Variants in NOTCH2 observed in about 807,000 individuals in gnomAD.
NOTCH2 encodes neurogenic locus notch homolog protein 2.
Under a neutral mutation model 235.8 loss-of-function variants are expected in NOTCH2, and 29 were observed. The ratio of observed to expected loss-of-function variants is 0.12; its 90% CI spans 0.09 to 0.17. The LOEUF is 0.17. Ranked by LOEUF, NOTCH2 falls within the 10% of genes least tolerant of loss-of-function variation. The probability of loss-of-function intolerance (pLI) is 1.00; values close to 1 mark genes in which losing one functional copy is unlikely to be tolerated. For synonymous variants in NOTCH2, 1,086 were observed against 1,141.5 expected (o/e 0.95, Z 0.98); for missense variants, 2,285 against 3,150.2 (o/e 0.73, Z 6.57).
At chr1:120,029,491 C>T (rs1654010298) in intron 2 of NOTCH2, among the ~76,000 whole-genome samples, 2 of 150,840 alleles carry the variant, frequency 1.3e-5, no homozygotes, top group Admixed American at 1.3e-4. Context: ...GCTGGGACTC[C>T]AGTCATGCGC....
At chr1:119,923,557 G>C in intron 26 of NOTCH2, 80 bp downstream of exon 26, 1 of 1,220,850 alleles carries the variant, frequency 8.2e-7, no homozygotes, top group Non-Finnish European at 1.2e-6. Context: ...ATTTCTATAG[G>C]TTGAGTTATG....
chr1:119,929,498 T>C (rs781939664), intron 22 of NOTCH2, among the ~76,000 whole-genome samples: 10 of 152,180 alleles, frequency 6.6e-5, no homozygotes, highest in Admixed American at 4.6e-4. Flanking sequence ...ATTTGTCCCA[T>C]CTCAAAGAGA....
intron 5 of NOTCH2, among the ~76,000 whole-genome samples, chr1:119,977,945 A>G (rs2101164289): frequency 6.6e-6 from 1 of 152,300 alleles, no homozygotes; most frequent in African/African-American, 2.4e-5. Context: ...ATGGTGAACA[A>G]AACAGCCATG....
intron 2 of NOTCH2, among the ~76,000 whole-genome samples, chr1:120,009,706 A>T (rs1473017528): frequency 6.7e-6 from 1 of 149,338 alleles, no homozygotes; most frequent in East Asian, 1.9e-4. Flanking sequence ...CTATAGGGAG[A>T]ATTGCTAACC....
chr1:119,950,230 T>A (rs1650418901), intron 15 of NOTCH2: 1 of 352,002 alleles, frequency 2.8e-6, no homozygotes. Flanking sequence ...CTTACCTATA[T>A]GACCTTGAGC....
In NOTCH2 at chr1:119,949,191, C is replaced by T. The variant is rs587749430; in HGVS notation, c.2480-65G>A. 14 of 1,553,808 alleles carry T rather than the reference C, an allele frequency of 9.0e-6. No individual in the cohort carries two copies. The East Asian group carries it at 2.7e-4, about 30-fold the overall frequency. ...TAAGAAAACGAAAATTTTCCTTATC[C>T]CAAGGATGTTCTCTGAATTCAAGTC... On this transcript the variant is annotated intron_variant, in intron 15 of 33. Transcript: ENST00000256646.
intron 5 of NOTCH2, among the ~76,000 whole-genome samples, chr1:119,972,290 A>G (rs1651395312): frequency 6.6e-6 from 1 of 152,178 alleles, no homozygotes; most frequent in African/African-American, 2.4e-5. Context: ...ATGGTACCTC[A>G]AAGTAATGAC....
At chr1:119,934,154 G>A (rs1649764703) in intron 22 of NOTCH2, among the ~76,000 whole-genome samples, 1 of 152,214 alleles carries the variant, frequency 6.6e-6, no homozygotes, top group African/African-American at 2.4e-5. Flanking sequence ...GTTAAAATGT[G>A]ATCTCCAATG....
At chr1:119,969,026 G>A (rs1185904675) in intron 6 of NOTCH2, among the ~76,000 whole-genome samples, 1 of 152,208 alleles carries the variant, frequency 6.6e-6, no homozygotes, top group Middle Eastern at 3.2e-3. Context: ...TGAGAGGCTA[G>A]AGCAATGTTA....
At chr1:120,062,850 T>C (rs1655360646) in intron 1 of NOTCH2, among the ~76,000 whole-genome samples, 1 of 152,106 alleles carries the variant, frequency 6.6e-6, no homozygotes, top group African/African-American at 2.4e-5. Context: ...TGTATTTACA[T>C]ACACAAGTTA....
intron 22 of NOTCH2, among the ~76,000 whole-genome samples, chr1:119,933,977 A>G (rs1302681944): frequency 2.0e-5 from 3 of 152,196 alleles, no homozygotes; most frequent in Non-Finnish European, 4.4e-5. Context: ...TGTACTGTGG[A>G]GGCCTTGGAG....
chr1:120,065,092 T>C (rs1246111553), intron 1 of NOTCH2, among the ~76,000 whole-genome samples: 1 of 151,984 alleles, frequency 6.6e-6, no homozygotes, highest in Admixed American at 6.6e-5. Flanking sequence ...CCTTTATAAA[T>C]TGCAGAAGTG....
chr1:119,916,583 G>A lies in NOTCH2; in HGVS notation c.6139C>T (p.Arg2047Trp), dbSNP rs140353589. 1.1e-5 allele frequency: 18 copies of A among 1,614,006 alleles called. No individual in the cohort carries two copies. The highest frequency in any genetic ancestry group is 2.7e-5 in the African/African-American group (2 of 74,900). The part of the protein sequence containing the change: ...DITDHMDRLP[R>W]DVARDRMHHD... ...TGCATGCGATCCCGAGCCACATCCC[G>A]GGGAAGACGATCCATATGGTCTGTG... The change falls in exon 34 of 34, where the codon CGG becomes TGG. Residue 2047 changes from arginine (R) to tryptophan (W), a missense_variant. Physicochemically the swap from Arg to Trp is moderately radical, Grantham distance 101. Coordinates refer to ENST00000256646, the MANE Select transcript of NOTCH2 (RefSeq NM_024408.4).
At chr1:119,928,892 G>A in intron 23 of NOTCH2, 84 bp downstream of exon 23, 1 of 1,142,404 alleles carries the variant, frequency 8.8e-7, no homozygotes, top group East Asian at 2.3e-5. Context: ...CTTCACTTGG[G>A]TCTGGGACAA....
intron 2 of NOTCH2, among the ~76,000 whole-genome samples, chr1:120,026,955 T>C (rs1380485853): frequency 2.3e-4 from 31 of 136,844 alleles, no homozygotes; most frequent in East Asian, 4.6e-4. Flanking sequence ...ATTTTCTTTT[T>C]TTTTTTTTTT....
chr1:120,037,921 A>AT (rs1286414787), intron 1 of NOTCH2, among the ~76,000 whole-genome samples: 1 of 152,042 alleles, frequency 6.6e-6, no homozygotes, highest in Non-Finnish European at 1.5e-5. Context: ...ATAAATGAAT[A>AT]TTTTTTGTAT....
intron 1 of NOTCH2, among the ~76,000 whole-genome samples, chr1:120,065,423 T>C (rs1264175995): frequency 2.0e-5 from 3 of 152,168 alleles, no homozygotes; most frequent in Non-Finnish European, 4.4e-5. Context: ...ATGTACGCAT[T>C]AACAATAAGC....
chr1:120,023,219 T>C (rs1457962108), intron 2 of NOTCH2, among the ~76,000 whole-genome samples: 24 of 150,636 alleles, frequency 1.6e-4, no homozygotes, highest in Admixed American at 1.4e-3. Context: ...GGGCAGATCA[T>C]GAGGTCAGGA....
In NOTCH2 at chr1:119,921,542, C is replaced by T. The variant is rs835573; in HGVS notation, c.5310+171G>A. Among the ~76,000 whole-genome samples the T allele has an allele frequency of 0.22, 33,280 of 152,120 alleles. 5,071 individuals are homozygous for T. The highest frequency in any genetic ancestry group is 0.42 in the African/African-American group (17,596 of 41,460). On this transcript the variant is annotated intron_variant, in intron 29 of 33. Coordinates refer to ENST00000256646, the MANE Select transcript of NOTCH2 (RefSeq NM_024408.4). ...TATATAGGTAACCCAAGGTCATTTA[C>T]GTCCTAAGGATTCCTGCTGTTTAGG...
Sources: gnomAD v4.1 joint callset for allele counts (sites outside exome capture counted in the v4.1 genomes callset) on GRCh38, gnomAD v4.1.1 for gene constraint, MANE v1.5 for transcripts, NCBI Gene and HGNC (gene_info 2026-07-23, HGNC 2026-07-21) for gene names.